Variants in UBASH3B observed in about 807,000 individuals in gnomAD.
UBASH3B encodes ubiquitin-associated and SH3 domain-containing protein B.
Under a neutral mutation model 83.4 loss-of-function variants are expected in UBASH3B, and 37 were observed. The ratio of observed to expected loss-of-function variants is 0.44; its 90% CI spans 0.34 to 0.58. The LOEUF is 0.58. Ranked by LOEUF, UBASH3B falls within the 20% of genes least tolerant of loss-of-function variation. The pLI, the probability that UBASH3B is intolerant of heterozygous loss-of-function variation, is 0.01. For missense variants in UBASH3B, 657 were observed against 827.2 expected (o/e 0.79, Z 2.52); for synonymous variants, 304 against 318.3 (o/e 0.96, Z 0.48).
At chr11:122,802,452 T>G (rs1362281373) in intron 11 of UBASH3B, among the ~76,000 whole-genome samples, 1 of 152,070 alleles carries the variant, frequency 6.6e-6, no homozygotes, top group Non-Finnish European at 1.5e-5. Flanking sequence ...TAAGTTCATA[T>G]TTCTTAAGGC....
chr11:122,747,344 G>A (rs1035531842), intron 1 of UBASH3B, among the ~76,000 whole-genome samples: 1 of 152,308 alleles, frequency 6.6e-6, no homozygotes, highest in South Asian at 2.1e-4. Flanking sequence ...AGAACCAGTG[G>A]AGTGGAATTG....
chr11:122,737,168 G>T (rs1341010389), intron 1 of UBASH3B, among the ~76,000 whole-genome samples: 1 of 152,162 alleles, frequency 6.6e-6, no homozygotes, highest in Non-Finnish European at 1.5e-5. Context: ...CCATGTTAAG[G>T]TTCTGGAACT....
intron 1 of UBASH3B, among the ~76,000 whole-genome samples, chr11:122,722,736 C>T (rs975913687): frequency 2.7e-5 from 4 of 149,016 alleles, no homozygotes; most frequent in Non-Finnish European, 3.0e-5. Flanking sequence ...GATGGAGTCT[C>T]GCTCTGTCCC....
chr11:122,798,839 G>T, intron 9 of UBASH3B, 103 bp from the exon 10 acceptor site: 1 of 792,232 alleles, frequency 1.3e-6, no homozygotes. Context: ...AGTTAGGAAA[G>T]AGGGGTTTAC....
chr11:122,724,630 GGTA>G (rs1215150076), intron 1 of UBASH3B, among the ~76,000 whole-genome samples: 2 of 121,556 alleles, frequency 1.6e-5, no homozygotes, highest in Admixed American at 7.5e-5. Flanking sequence ...TCTTAGAGGA[GGTA>G]GTAGCATTTG....
chr11:122,689,534 A>G (rs1863856806), intron 1 of UBASH3B, among the ~76,000 whole-genome samples: 1 of 152,140 alleles, frequency 6.6e-6, no homozygotes, highest in Non-Finnish European at 1.5e-5. Context: ...TTACACCGCA[A>G]CAGCAATCAT....
Position 122,796,863 on chromosome 11 carries a change from G to C in UBASH3B, c.1235-48G>C, listed in dbSNP as rs368894830. ...GTCAGGATCAGTAAGGGAGTCCCAA[G>C]TAAACAAGAAATGTATGTATCCTCT... On this transcript the variant is annotated intron_variant, in intron 8 of 13. Coordinates refer to ENST00000284273, the MANE Select transcript of UBASH3B (RefSeq NM_032873.5). 11 of 1,613,616 alleles carry C rather than the reference G, an allele frequency of 6.8e-6. No homozygotes were observed. The African/African-American group carries it at 1.2e-4, about 18-fold the overall frequency.
chr11:122,685,414 T>C (rs1023983737), intron 1 of UBASH3B, among the ~76,000 whole-genome samples: 1 of 152,246 alleles, frequency 6.6e-6, no homozygotes, highest in Non-Finnish European at 1.5e-5. Flanking sequence ...AGGGTTTCCC[T>C]CTGAAAGTGT....
At chr11:122,705,742 T>G (rs1414919284) in intron 1 of UBASH3B, among the ~76,000 whole-genome samples, 1 of 152,100 alleles carries the variant, frequency 6.6e-6, no homozygotes, top group Non-Finnish European at 1.5e-5. Context: ...TACCACCTCA[T>G]GTAGTTAATA....
At chr11:122,744,773 G>A (rs973239051) in intron 1 of UBASH3B, among the ~76,000 whole-genome samples, 9 of 152,052 alleles carry the variant, frequency 5.9e-5, no homozygotes, top group African/African-American at 2.2e-4. Context: ...TCACATGTGT[G>A]CTATATGAGT....
intron 6 of UBASH3B, among the ~76,000 whole-genome samples, chr11:122,790,080 TG>T (rs1470364183): frequency 1.3e-5 from 2 of 152,354 alleles, no homozygotes; most frequent in African/African-American, 4.8e-5. Flanking sequence ...GTCTGCATGC[TG>T]GTTTGTTTTT....
chr11:122,785,271 C>T (rs950376047), intron 5 of UBASH3B, among the ~76,000 whole-genome samples: 1 of 152,224 alleles, frequency 6.6e-6, no homozygotes, highest in East Asian at 1.9e-4. Context: ...TAAAGCTCTC[C>T]TCGGCCCCTT....
intron 1 of UBASH3B, among the ~76,000 whole-genome samples, chr11:122,674,658 G>A (rs1863642851): frequency 6.6e-6 from 1 of 151,494 alleles, no homozygotes; most frequent in Admixed American, 6.6e-5. Context: ...TGGGATTATA[G>A]GCATGAGCCA....
At chr11:122,742,890 T>C (rs908514725) in intron 1 of UBASH3B, among the ~76,000 whole-genome samples, 2 of 152,200 alleles carry the variant, frequency 1.3e-5, no homozygotes, top group Non-Finnish European at 2.9e-5. Context: ...ATTATGTAAA[T>C]GGAGTGACCC....
rs960030537 is a variant in UBASH3B, at chr11:122,806,343, G to C, written c.1596-67G>C. On this transcript the variant is annotated intron_variant, in intron 11 of 13. Coordinates refer to ENST00000284273, the MANE Select transcript of UBASH3B (RefSeq NM_032873.5). The surrounding 1 kb of genome is among the most constrained non-coding windows in gnomAD (Gnocchi z 4.0). ...AGAAATGCCTTGAAATAAAAGTTTAGAGTGATATCTTCCTTTGTCTCAAGA... is the reference window on the plus strand; with the variant it reads ...AGAAATGCCTTGAAATAAAAGTTTACAGTGATATCTTCCTTTGTCTCAAGA... The C allele has an allele frequency of 1.5e-6, 2 of 1,340,556 alleles. No homozygotes were observed. Among genetic ancestry groups the C allele is most frequent in the South Asian group, 1.3e-5 (1 of 75,072 alleles). The allele number at this position is 1,340,556 out of a possible 1,614,324, so 83.0% of individuals were successfully genotyped here.
At chr11:122,767,456 A>G (rs1030299999) in intron 1 of UBASH3B, among the ~76,000 whole-genome samples, 2 of 151,958 alleles carry the variant, frequency 1.3e-5, no homozygotes, top group Non-Finnish European at 2.9e-5. Context: ...GACTACAGGC[A>G]TGTGCCACCA....
At chr11:122,674,284 T>G (rs1863637170) in intron 1 of UBASH3B, among the ~76,000 whole-genome samples, 1 of 152,104 alleles carries the variant, frequency 6.6e-6, no homozygotes, top group Admixed American at 6.5e-5. Flanking sequence ...TCAAGTGAAT[T>G]CATATTAGAT....
chr11:122,703,283 C>T (rs1260099775), intron 1 of UBASH3B, among the ~76,000 whole-genome samples: 4 of 152,032 alleles, frequency 2.6e-5, no homozygotes, highest in Non-Finnish European at 5.9e-5. Context: ...AAAAATTAGC[C>T]AGGCGTGGTG....
chr11:122,744,580 G>A (rs570327930), intron 1 of UBASH3B, among the ~76,000 whole-genome samples: 60 of 151,946 alleles, frequency 3.9e-4, no homozygotes, highest in African/African-American at 1.4e-3. Context: ...GTGTGTGACT[G>A]TGTGTGACTG....
Sources: gnomAD v4.1 joint callset for allele counts (sites outside exome capture counted in the v4.1 genomes callset) on GRCh38, gnomAD v4.1.1 for gene constraint, Gnocchi (gnomAD v3.1) non-coding constraint, MANE v1.5 for transcripts, NCBI Gene and HGNC (gene_info 2026-07-23, HGNC 2026-07-21) for gene names.